The following ITPR2 variants were observed in gnomAD, a reference collection of about 807,000 sequenced individuals.
ITPR2 encodes the protein inositol 1,4,5-trisphosphate-gated calcium channel ITPR2.
Under a neutral mutation model 317.1 loss-of-function variants are expected in ITPR2, and 207 were observed. The observed-to-expected ratio is 0.65, with a 90% CI of 0.58 to 0.73. The LOEUF is 0.73. Among genes scored for constraint, ITPR2 ranks in the 30% least tolerant of loss-of-function variants. The pLI, the probability that ITPR2 is intolerant of heterozygous loss-of-function variation, is 0.00. For missense variants in ITPR2, 2,613 were observed against 3,284.0 expected, an observed-to-expected ratio of 0.80 and a Z score of 4.99; for synonymous variants, 1,156 against 1,149.1, an observed-to-expected ratio of 1.01 and a Z score of -0.12.
chr12:26,796,802 G>C (rs907273092), intron 1 of ITPR2, among the ~76,000 whole-genome samples: 4 of 152,190 alleles, frequency 2.6e-5, no homozygotes, highest in African/African-American at 9.7e-5. Context: ...GGCTGAGGCG[G>C]GTGGATTGCC....
chr12:26,746,414 T>C (rs1484103762), intron 2 of ITPR2, among the ~76,000 whole-genome samples: 3 of 152,182 alleles, frequency 2.0e-5, no homozygotes, highest in African/African-American at 7.2e-5. Flanking sequence ...TGAGTTTGAA[T>C]AGAAAATGAG....
chr12:26,666,135 G>GAGATAGATAGAT lies in ITPR2; in HGVS notation c.1410-96_1410-85dup, dbSNP rs71437306. On this transcript the variant is annotated intron_variant, in intron 13 of 56. Transcript: ENST00000381340. The stretch of plus-strand genomic sequence containing the variant: ...TAGATAGATGATAGGTAGGTAGGTA[G>GAGATAGATAGAT]AGATAGATAGATAGATAGATAGATA... 3.5e-3 allele frequency: 1,423 copies of GAGATAGATAGAT among 410,870 alleles called. 17 individuals carry two copies. Among genetic ancestry groups the GAGATAGATAGAT allele is most frequent in the African/African-American group, 0.019 (838 of 44,878 alleles). 25.5% of individuals were successfully genotyped at this position (410,870 alleles called of 1,614,324 possible). A position where few individuals can be genotyped will look rare whatever the true frequency, so the allele number is the denominator to read the frequency against.
intron 26 of ITPR2, among the ~76,000 whole-genome samples, 172 bp from the exon 27 acceptor site, chr12:26,602,878 T>C (rs1438091688): frequency 6.6e-6 from 1 of 152,210 alleles, no homozygotes; most frequent in African/African-American, 2.4e-5. Flanking sequence ...TTGGCTTGAC[T>C]GAGCCATGCA....
At chr12:26,478,091 A>C (rs1942457442) in intron 43 of ITPR2, among the ~76,000 whole-genome samples, 1 of 152,138 alleles carries the variant, frequency 6.6e-6, no homozygotes, top group Non-Finnish European at 1.5e-5. Flanking sequence ...TGACCATGCA[A>C]ATTTTGTTAA....
rs144805961 is a variant in ITPR2, at chr12:26,439,250, G to A, written c.6520C>T (p.Arg2174Ter). 4 of 1,612,900 alleles carry A rather than the reference G, an allele frequency of 2.5e-6. No individual in the cohort carries two copies. The highest frequency in any genetic ancestry group is 1.7e-6 in the Non-Finnish European group (2 of 1,179,298). The change falls in exon 47 of 57, where the codon CGA becomes TGA. Residue 2174 changes from arginine to a stop codon, truncating the protein, a stop_gained. Coordinates refer to ENST00000381340, the MANE Select transcript of ITPR2 (RefSeq NM_002223.4). LOFTEE classifies it high-confidence loss of function. ...PVPNICEYLT[R>*]ESKCRVFNTT... ...TTGAACACACGGCACTTGGATTCTCGAGTGAGGTATTCACATATATTGGGG... is the reference window on the plus strand; with the variant it reads ...TTGAACACACGGCACTTGGATTCTCAAGTGAGGTATTCACATATATTGGGG...
At chr12:26,393,448 ATG>A (rs1939906913) in intron 54 of ITPR2, among the ~76,000 whole-genome samples, 1 of 152,218 alleles carries the variant, frequency 6.6e-6, no homozygotes, top group Non-Finnish European at 1.5e-5. Context: ...AATGCTTCTT[ATG>A]TGTTTCTGCT....
intron 55 of ITPR2, among the ~76,000 whole-genome samples, chr12:26,354,883 C>G (rs747060252): frequency 2.6e-5 from 4 of 151,992 alleles, no homozygotes; most frequent in Non-Finnish European, 5.9e-5. Flanking sequence ...ATGTTGGTCT[C>G]GAACTCCTGA....
At chr12:26,384,284 T>C (rs1939602305) in intron 55 of ITPR2, among the ~76,000 whole-genome samples, 1 of 152,202 alleles carries the variant, frequency 6.6e-6, no homozygotes, top group Non-Finnish European at 1.5e-5. Flanking sequence ...AAATGGGTTT[T>C]TTAGCTACAG....
intron 32 of ITPR2, among the ~76,000 whole-genome samples, chr12:26,594,041 T>C (rs1180689905): frequency 6.6e-6 from 1 of 152,202 alleles, no homozygotes; most frequent in African/African-American, 2.4e-5. Flanking sequence ...TGGAAGTCAC[T>C]CCTTACTTGA....
chr12:26,831,745 T>A lies in ITPR2; in HGVS notation c.92+945A>T, dbSNP rs1951107448. ...TCTACATAAAATATATAAATATATA[T>A]TCTACATAAAATATATAAATATATA... On this transcript the variant is annotated intron_variant, in intron 1 of 56. Transcript: ENST00000381340. This position sits in a 1 kb window ranked among gnomAD's most constrained non-coding sequence, Gnocchi z 4.9. 7.2e-6 allele frequency among the ~76,000 whole-genome samples: 1 copy of A among 139,834 alleles called. No individual in the cohort carries two copies. The highest frequency in any genetic ancestry group is 2.2e-4 in the South Asian group (1 of 4,560). The allele number at this position is 139,834 out of a possible 152,430, so 91.7% of individuals were successfully genotyped here.
intron 21 of ITPR2, among the ~76,000 whole-genome samples, chr12:26,653,652 G>T (rs1947309137): frequency 6.6e-6 from 1 of 152,194 alleles, no homozygotes; most frequent in Non-Finnish European, 1.5e-5. Context: ...TGAGGCAGGA[G>T]AATTGCTTGA....
chr12:26,350,091 G>A (rs1432312469), intron 55 of ITPR2, among the ~76,000 whole-genome samples: 2 of 152,170 alleles, frequency 1.3e-5, no homozygotes, highest in African/African-American at 2.4e-5. Context: ...ACCATGTTAT[G>A]GATGGTCCTG....
In ITPR2 at chr12:26,475,396, T is replaced by C; in HGVS notation, c.6242A>G (p.Tyr2081Cys). The C allele has an allele frequency of 1.2e-6, 2 of 1,613,688 alleles. No homozygotes were observed. The highest frequency in any genetic ancestry group is 1.7e-6 in the Non-Finnish European group (2 of 1,179,868). Reference sequence around the variant, plus strand: ...ATGGTCACATTCCAATCCTTGGTTATAGGCATTCTTCATCACATCCACCTA... The same window carrying C: ...ATGGTCACATTCCAATCCTTGGTTACAGGCATTCTTCATCACATCCACCTA... The part of the protein sequence containing the change: ...RELVDVMKNA[Y>C]NQGLECDHGD... The change falls in exon 45 of 57, where the codon TAT becomes TGT. Residue 2081 changes from tyrosine to cysteine, a missense_variant. Around this residue, in one of 9 missense-constraint regions of ITPR2, gnomAD observed 926 missense variants for 1,072.8 expected, o/e 0.86. Transcript: ENST00000381340.
intron 9 of ITPR2, among the ~76,000 whole-genome samples, chr12:26,702,155 G>A (rs955245697): frequency 1.4e-4 from 22 of 152,030 alleles, no homozygotes; most frequent in African/African-American, 5.3e-4. Flanking sequence ...AAATATCTAT[G>A]ACAAAGTGTC....
intron 55 of ITPR2, among the ~76,000 whole-genome samples, chr12:26,386,604 G>A (rs1350730807): frequency 6.6e-6 from 1 of 151,702 alleles, no homozygotes; most frequent in Admixed American, 6.6e-5. Flanking sequence ...AAGTAGCAAG[G>A]AGGATCATGA....
intron 1 of ITPR2, among the ~76,000 whole-genome samples, chr12:26,804,201 T>G (rs1429545294): frequency 1.3e-5 from 2 of 152,108 alleles, no homozygotes; most frequent in African/African-American, 4.8e-5. Context: ...CGTTTAACAT[T>G]GGCTAAATGT....
rs555934995 is a variant in ITPR2 at position 26,573,105 on chromosome 12, G to A, written c.4630+5608C>T. On this transcript the variant is annotated intron_variant, in intron 34 of 56. Coordinates refer to ENST00000381340, the MANE Select transcript of ITPR2 (RefSeq NM_002223.4). The stretch of plus-strand genomic sequence containing the variant: ...AGTGGTGCGAACATAGCTCATTGAA[G>A]CTGCGAACTCCTGGGCAGTAAAGAT... Among the ~76,000 whole-genome samples, 14 of 151,974 alleles carry A rather than the reference G, an allele frequency of 9.2e-5. No individual in the cohort carries two copies. In the South Asian group the frequency reaches 2.3e-3, roughly 25 times the overall value.
At chr12:26,815,300 C>G (rs1391521328) in intron 1 of ITPR2, among the ~76,000 whole-genome samples, 2 of 152,066 alleles carry the variant, frequency 1.3e-5, no homozygotes, top group African/African-American at 4.8e-5. Flanking sequence ...CCACTGCACT[C>G]TAGCCTGGGT....
intron 2 of ITPR2, among the ~76,000 whole-genome samples, chr12:26,775,078 T>A (rs1949935432): frequency 6.6e-6 from 1 of 152,184 alleles, no homozygotes; most frequent in Non-Finnish European, 1.5e-5. Context: ...TCCTCATCTG[T>A]GTTTCCTGGG....
Sources: gnomAD v4.1 joint callset for allele counts (sites outside exome capture counted in the v4.1 genomes callset) on GRCh38, gnomAD v4.1.1 for gene constraint, gnomAD v4.1.1 regional missense constraint, Gnocchi (gnomAD v3.1) non-coding constraint, MANE v1.5 for transcripts, NCBI Gene and HGNC (gene_info 2026-07-23, HGNC 2026-07-21) for gene names.